Variants in CEP135 observed in about 807,000 individuals in gnomAD.
The protein encoded by CEP135 is centrosomal protein 135, also known as centrosomal protein of 135 kDa.
A neutral mutation model predicts 157.3 loss-of-function variants in CEP135; 142 were observed. That is an observed-to-expected ratio of 0.90 (90% confidence interval 0.79 to 1.04). The LOEUF (loss-of-function observed/expected upper bound fraction) is 1.04. Among genes scored for constraint, CEP135 ranks in the 50% least tolerant of loss-of-function variants. The pLI, the probability that CEP135 is intolerant of heterozygous loss-of-function variation, is 0.00. For synonymous variants in CEP135, 396 were observed against 439.8 expected (o/e 0.90, Z 1.25); for missense variants, 1,317 against 1,309.2 (o/e 1.01, Z -0.09).
chr4:55,964,567 G>A (rs1041157954), intron 7 of CEP135, among the ~76,000 whole-genome samples, 165 bp downstream of exon 7: 4 of 152,222 alleles, frequency 2.6e-5, no homozygotes, highest in Middle Eastern at 3.4e-3. Flanking sequence ...CAGAAATAGG[G>A]TGGAGTTATT....
Position 55,971,415 on chromosome 4 carries a change from T to G in CEP135, c.1249+7T>G. 2 of 1,586,606 alleles carry G rather than the reference T, an allele frequency of 1.3e-6. No homozygotes were observed. Among genetic ancestry groups the G allele is most frequent in the Non-Finnish European group, 1.7e-6 (2 of 1,171,806 alleles). On this transcript the variant is annotated splice_region_variant and intron_variant, in intron 10 of 25. Coordinates refer to ENST00000257287, the MANE Select transcript of CEP135 (RefSeq NM_025009.5). ...GAAAGTTTTGCAGTTACAGGTAAGA[T>G]GTCAAATTTTGATAGCTAAAGAATG...
intron 21 of CEP135, among the ~76,000 whole-genome samples, chr4:56,017,399 T>C (rs1730812246): frequency 2.0e-5 from 3 of 152,164 alleles, no homozygotes; most frequent in Admixed American, 2.0e-4. Context: ...CTTTCTTTTT[T>C]ACATTTCCAA....
chr4:55,999,457 A>G, intron 16 of CEP135, 34 bp from the exon 17 acceptor site: 1 of 1,612,894 alleles, frequency 6.2e-7, no homozygotes, highest in Non-Finnish European at 8.5e-7. Flanking sequence ...ATCCTAATGT[A>G]CTTTGTCTAA....
At chr4:55,950,852 T>TGTAA (rs769675685) in intron 1 of CEP135, among the ~76,000 whole-genome samples, 119 of 152,334 alleles carry the variant, frequency 7.8e-4, no homozygotes, top group Non-Finnish European at 1.5e-3. Context: ...TATACACTTG[T>TGTAA]GTAACCACTA....
intron 21 of CEP135, 85 bp downstream of exon 21, chr4:56,012,070 T>TA (rs1730606682): frequency 1.1e-6 from 1 of 917,464 alleles, no homozygotes; most frequent in South Asian, 3.2e-5. Flanking sequence ...TTTATTTATT[T>TA]TTTTTGAGAT....
At chr4:55,980,417 A>G (rs1308250880) in intron 12 of CEP135, 122 bp downstream of exon 12, 1 of 571,892 alleles carries the variant, frequency 1.7e-6, no homozygotes, top group Non-Finnish European at 2.9e-6. Flanking sequence ...CATAATTAAA[A>G]TTATCAGTAG....
Position 56,033,140 on chromosome 4 carries a change from A to G in CEP135, c.*1792A>G, listed in dbSNP as rs1731420382. On this transcript the variant is annotated 3_prime_UTR_variant, in exon 26 of 26. Transcript: ENST00000257287. The stretch of plus-strand genomic sequence containing the variant: ...TGTCTCCACCTTTTCCCCAAAAGCA[A>G]CAGCAAGACATATTTTGTTAGATAT... 6.6e-6 allele frequency: 1 copy of G among 152,114 alleles called. No individual in the cohort carries two copies. The highest frequency in any genetic ancestry group is 1.5e-5 in the Non-Finnish European group (1 of 68,016). The allele number at this position is 152,114 out of a possible 1,614,324, so 9.4% of individuals were successfully genotyped here. A position where few individuals can be genotyped will look rare whatever the true frequency, so the allele number is the denominator to read the frequency against.
intron 24 of CEP135, among the ~76,000 whole-genome samples, chr4:56,022,849 A>G (rs566839298): frequency 1.3e-5 from 2 of 152,142 alleles, no homozygotes; most frequent in Non-Finnish European, 2.9e-5. Flanking sequence ...TAATCCCAGC[A>G]CTTTGGGAGG....
chr4:56,027,994 C>T (rs1731211760), intron 25 of CEP135, among the ~76,000 whole-genome samples: 2 of 152,278 alleles, frequency 1.3e-5, no homozygotes, highest in African/African-American at 4.8e-5. Context: ...ATGAATTTGC[C>T]TATTTTACAT....
rs1406142466 is a variant in CEP135 at position 56,032,375 on chromosome 4, G to C, written c.*1027G>C. 1 of 151,910 alleles carries C rather than the reference G, an allele frequency of 6.6e-6. No individual in the cohort carries two copies. Among genetic ancestry groups the C allele is most frequent in the Non-Finnish European group, 1.5e-5 (1 of 68,008 alleles). The allele number at this position is 151,910 out of a possible 1,614,324, so 9.4% of individuals were successfully genotyped here. ...CAGGAGAATTGCTTGAACCCGGGAG[G>C]TGGAGGCTGCGGTGAGCCAAGATCA... On this transcript the variant is annotated 3_prime_UTR_variant, in exon 26 of 26. Coordinates refer to ENST00000257287, the MANE Select transcript of CEP135 (RefSeq NM_025009.5).
At chr4:55,957,133 A>T (rs1728532964) in intron 4 of CEP135, 90 bp from the exon 5 acceptor site, 1 of 1,381,754 alleles carries the variant, frequency 7.2e-7, no homozygotes, top group Non-Finnish European at 9.9e-7. Context: ...CTGCAGACAC[A>T]CTTTATAACC....
intron 10 of CEP135, among the ~76,000 whole-genome samples, chr4:55,974,432 C>T (rs1729124977): frequency 6.6e-6 from 1 of 152,116 alleles, no homozygotes; most frequent in African/African-American, 2.4e-5. Flanking sequence ...AGTGCATTTT[C>T]AGGTCCCGGG....
At chr4:55,952,721 A>G (rs549348801) in intron 2 of CEP135, among the ~76,000 whole-genome samples, 2 of 152,308 alleles carry the variant, frequency 1.3e-5, no homozygotes, top group Non-Finnish European at 2.9e-5. Flanking sequence ...AACCTAGGCT[A>G]TATGGTCTGT....
chr4:55,963,881 T>C (rs1242483343), intron 6 of CEP135, among the ~76,000 whole-genome samples: 3 of 152,244 alleles, frequency 2.0e-5, no homozygotes, highest in Non-Finnish European at 4.4e-5. Context: ...CTTTTCTTAG[T>C]GTGTTACACT....
At chr4:56,023,726 TA>T (rs1731050895) in intron 24 of CEP135, among the ~76,000 whole-genome samples, 1 of 143,682 alleles carries the variant, frequency 7.0e-6, no homozygotes, top group African/African-American at 2.5e-5. Context: ...ATGTAATATA[TA>T]TTGTATCATA....
intron 25 of CEP135, among the ~76,000 whole-genome samples, chr4:56,029,995 C>G (rs1560429851): frequency 6.6e-6 from 1 of 152,128 alleles, no homozygotes; most frequent in Non-Finnish European, 1.5e-5. Context: ...ATAAATTAAC[C>G]TTAGCTTACT....
chr4:56,013,678 T>A (rs377636439), intron 21 of CEP135, among the ~76,000 whole-genome samples: 3 of 152,304 alleles, frequency 2.0e-5, no homozygotes, highest in African/African-American at 7.2e-5. Flanking sequence ...CTGGGTTAGA[T>A]TGATATACAA....
chr4:56,030,978 A>T (rs1731324176), intron 25 of CEP135, among the ~76,000 whole-genome samples: 1 of 152,018 alleles, frequency 6.6e-6, no homozygotes, highest in African/African-American at 2.4e-5. Context: ...CCTCATCTAT[A>T]CTAAATACCA....
chr4:55,958,895 G>A (rs1025219269), intron 5 of CEP135, among the ~76,000 whole-genome samples: 2 of 152,082 alleles, frequency 1.3e-5, no homozygotes, highest in South Asian at 2.1e-4. Context: ...GACCAGCTTC[G>A]ACAATGTGGA....
Sources: allele counts gnomAD v4.1 joint callset (sites outside exome capture counted in the v4.1 genomes callset), GRCh38; gene constraint gnomAD v4.1.1; transcripts MANE v1.5; gene names NCBI Gene and HGNC (gene_info 2026-07-23, HGNC 2026-07-21).